The following FRAS1 variants were observed in gnomAD, a reference collection of about 807,000 sequenced individuals.
The protein encoded by FRAS1 is Fraser extracellular matrix complex subunit 1.
In FRAS1, 290 loss-of-function variants were observed where a neutral mutation model predicts 435.2. The observed-to-expected ratio is 0.67, with a 90% CI of 0.61 to 0.73. The LOEUF (loss-of-function observed/expected upper bound fraction) is 0.73. Ranked by LOEUF, FRAS1 falls within the 30% of genes least tolerant of loss-of-function variation. FRAS1 has a pLI of 0.00. For synonymous variants in FRAS1, 1,800 were observed against 1,851.0 expected (o/e 0.97, Z 0.71); for missense variants, 4,860 against 5,001.5 (o/e 0.97, Z 0.85).
chr4:78,425,149 T>G (rs1253162987), intron 35 of FRAS1, among the ~76,000 whole-genome samples: 1 of 151,674 alleles, frequency 6.6e-6, no homozygotes, highest in Admixed American at 6.6e-5. Context: ...GCTCCAAGAA[T>G]GATTATTGCT....
At chr4:78,071,515 T>C (rs943283368) in intron 2 of FRAS1, 12 of 152,134 alleles carry the variant, frequency 7.9e-5, no homozygotes, top group African/African-American at 2.9e-4. Context: ...TGAAATGAGG[T>C]CTCAGTTTCT....
chr4:78,273,866 A>T (rs371621222), intron 9 of FRAS1, among the ~76,000 whole-genome samples: 10 of 152,064 alleles, frequency 6.6e-5, no homozygotes, highest in African/African-American at 2.4e-4. Flanking sequence ...TTTCTATTGA[A>T]TGGAATAGTT....
intron 2 of FRAS1, among the ~76,000 whole-genome samples, chr4:78,088,357 C>A (rs1372867661): frequency 1.3e-5 from 2 of 152,194 alleles, no homozygotes; most frequent in Non-Finnish European, 2.9e-5. Context: ...CCATTCAGGA[C>A]ATAGGCATGG....
chr4:78,189,911 T>TG (rs1722456994), intron 2 of FRAS1, among the ~76,000 whole-genome samples: 1 of 60,748 alleles, frequency 1.6e-5, no homozygotes, highest in Admixed American at 1.7e-4. Context: ...ATCCAATGCA[T>TG]ATAAATTCTA....
chr4:78,498,871 G>T (rs1168902461), intron 60 of FRAS1, among the ~76,000 whole-genome samples: 2 of 62,868 alleles, frequency 3.2e-5, no homozygotes, highest in South Asian at 5.4e-4. Flanking sequence ...TATTTGAGAT[G>T]GAGTTTTGCT....
intron 67 of FRAS1, among the ~76,000 whole-genome samples, chr4:78,520,183 T>C (rs17470658): frequency 0.011 from 1,635 of 151,732 alleles, 14 homozygotes; most frequent in Middle Eastern, 0.017. Context: ...TGCTTCCACA[T>C]AGATGCTCCT....
chr4:78,244,479 C>T lies in FRAS1; in HGVS notation c.217-754C>T, dbSNP rs372924110. Among the ~76,000 whole-genome samples, 49 of 152,166 alleles carry T rather than the reference C, an allele frequency of 3.2e-4. No homozygotes were observed. In the East Asian group the frequency reaches 7.6e-3, roughly 23 times the overall value. The stretch of plus-strand genomic sequence containing the variant: ...GAGTAGGAAGATCTAATATGAGAGT[C>T]GTGGGCCTCAAAGACAAGCTAATGC... On this transcript the variant is annotated intron_variant, in intron 3 of 73. Transcript: ENST00000512123.
At chr4:78,302,514 C>T (rs1162624042) in intron 14 of FRAS1, among the ~76,000 whole-genome samples, 1 of 152,208 alleles carries the variant, frequency 6.6e-6, no homozygotes. Flanking sequence ...CTCTCCAGCA[C>T]CTGTTGTTTC....
At chr4:78,284,675 A>T in intron 13 of FRAS1, 127 bp downstream of exon 13, 1 of 825,398 alleles carries the variant, frequency 1.2e-6, no homozygotes, top group South Asian at 2.2e-5. Flanking sequence ...TGTTTTTGAG[A>T]TGCACAACGT....
intron 2 of FRAS1, among the ~76,000 whole-genome samples, chr4:78,075,660 T>C (rs1351614741): frequency 1.3e-5 from 2 of 152,178 alleles, no homozygotes; most frequent in Non-Finnish European, 2.9e-5. Flanking sequence ...GAGATAATAG[T>C]TGTGCCTATA....
chr4:78,469,606 C>T (rs189466897), intron 50 of FRAS1, among the ~76,000 whole-genome samples: 89 of 148,772 alleles, frequency 6.0e-4, no homozygotes, highest in Non-Finnish European at 8.0e-4. Flanking sequence ...AATTTTAACA[C>T]GGTTTATTGA....
At chr4:78,375,566 C>G (rs975624316) in intron 25 of FRAS1, among the ~76,000 whole-genome samples, 173 bp from the exon 26 acceptor site, 3 of 152,200 alleles carry the variant, frequency 2.0e-5, no homozygotes, top group Non-Finnish European at 4.4e-5. Context: ...GAGTGTTCCT[C>G]TCTGTAGATC....
At chr4:78,117,876 G>A (rs1381976813) in intron 2 of FRAS1, among the ~76,000 whole-genome samples, 1 of 152,244 alleles carries the variant, frequency 6.6e-6, no homozygotes, top group Non-Finnish European at 1.5e-5. Flanking sequence ...CTGGTGAGGA[G>A]CTGCATTCCT....
At chr4:78,414,471 G>C (rs374367871) in intron 32 of FRAS1, among the ~76,000 whole-genome samples, 10 of 152,154 alleles carry the variant, frequency 6.6e-5, no homozygotes, top group African/African-American at 2.4e-4. Flanking sequence ...ACTGTTAAAT[G>C]TGATTAGTCT....
intron 2 of FRAS1, among the ~76,000 whole-genome samples, chr4:78,137,170 A>C (rs989672553): frequency 6.6e-6 from 1 of 152,218 alleles, no homozygotes; most frequent in Non-Finnish European, 1.5e-5. Flanking sequence ...TGGCTTTCAT[A>C]GTCCTTTGAT....
At chr4:78,429,259 T>C in intron 36 of FRAS1, 33 bp downstream of exon 36, 1 of 1,587,176 alleles carries the variant, frequency 6.3e-7, no homozygotes, top group Non-Finnish European at 8.6e-7. Context: ...AAACATGGCT[T>C]TGGAAATGGG....
At chr4:78,270,271 T>C (rs1726592859) in intron 9 of FRAS1, among the ~76,000 whole-genome samples, 1 of 152,198 alleles carries the variant, frequency 6.6e-6, no homozygotes, top group South Asian at 2.1e-4. Context: ...ACAATGATGT[T>C]TGAAGGTCAA....
intron 40 of FRAS1, 52 bp downstream of exon 40, chr4:78,439,116 C>A: frequency 6.9e-7 from 1 of 1,439,288 alleles, no homozygotes; most frequent in Non-Finnish European, 9.4e-7. Context: ...AGCTGGAATC[C>A]GTAGTAATGT....
At chr4:78,207,182 G>C (rs1723296856) in intron 2 of FRAS1, among the ~76,000 whole-genome samples, 1 of 152,176 alleles carries the variant, frequency 6.6e-6, no homozygotes, top group South Asian at 2.1e-4. Context: ...GCAAAGTCTG[G>C]AAATGAAATG....
Sources: gnomAD v4.1 joint callset for allele counts (sites outside exome capture counted in the v4.1 genomes callset) on GRCh38, gnomAD v4.1.1 for gene constraint, MANE v1.5 for transcripts, NCBI Gene and HGNC (gene_info 2026-07-23, HGNC 2026-07-21) for gene names.